C5AR1: variants seen among roughly 807,000 people sequenced by gnomAD.
The protein encoded by C5AR1 is C5a anaphylatoxin chemotactic receptor 1.
A neutral mutation model predicts 2.4 loss-of-function variants in C5AR1; 4 were observed. That is an observed-to-expected ratio of 1.65 (90% CI 0.81 to 3.77). C5AR1 has a LOEUF of 3.77. Among genes scored for constraint, C5AR1 ranks in the 30% most tolerant of loss-of-function variants. The probability of loss-of-function intolerance (pLI) is 0.01; values close to 1 mark genes in which losing one functional copy is unlikely to be tolerated. For synonymous variants in C5AR1, 209 were observed against 210.4 expected (o/e 0.99, Z 0.06); for missense variants, 418 against 462.5 (o/e 0.90, Z 0.88).
At chr19:47,312,588 T>C (rs1004860549) in intron 1 of C5AR1, among the ~76,000 whole-genome samples, 1 of 152,222 alleles carries the variant, frequency 6.6e-6, no homozygotes, top group Non-Finnish European at 1.5e-5. Context: ...CTGGCTTTTT[T>C]AAATGAATAA....
chr19:47,321,061 C>G lies in C5AR1; in HGVS notation c.*231C>G, dbSNP rs199799158. On this transcript the variant is annotated 3_prime_UTR_variant, in exon 2 of 2. Transcript: ENST00000355085. The stretch of plus-strand genomic sequence containing the variant: ...AGGGAGCACCCTCCCACCCCCCACC[C>G]CCCCCACACACACCATCTTTCCATC... 2 of 241,538 alleles carry G rather than the reference C, an allele frequency of 8.3e-6. 1 individual carries two copies. Among genetic ancestry groups the G allele is most frequent in the South Asian group, 1.0e-4 (2 of 19,798 alleles). The allele number at this position is 241,538 out of a possible 1,614,324, so 15.0% of individuals were successfully genotyped here.
At chr19:47,309,096 A>G (rs1198559808), upstream of C5AR1, among the ~76,000 whole-genome samples, 2 of 152,136 alleles carry the variant, frequency 1.3e-5, no homozygotes, top group African/African-American at 2.4e-5. Flanking sequence ...ATTTAACAGT[A>G]AAATATACTT....
intron 1 of C5AR1, among the ~76,000 whole-genome samples, chr19:47,313,670 G>A (rs2059277520): frequency 6.6e-6 from 1 of 151,856 alleles, no homozygotes; most frequent in Admixed American, 6.6e-5. Context: ...TGTGAATCCA[G>A]GAGGCGGAGC....
rs371403024 is a variant in C5AR1 at position 47,318,336 on chromosome 19, C to G, written c.4-1445C>G. 5.9e-5 allele frequency among the ~76,000 whole-genome samples: 9 copies of G among 151,690 alleles called. No homozygotes were observed. The East Asian group carries it at 1.7e-3, about 29-fold the overall frequency. On this transcript the variant is annotated intron_variant, in intron 1 of 1. Coordinates refer to ENST00000355085, the MANE Select transcript of C5AR1 (RefSeq NM_001736.4). ...TGAGGTGGAGTCTCACTCTGTCGCC[C>G]AGGCTGGAGTGCAGTGTCGCTATCT...
chr19:47,309,017 C>G (rs117753564), upstream of C5AR1, among the ~76,000 whole-genome samples: 288 of 152,168 alleles, frequency 1.9e-3, no homozygotes, highest in African/African-American at 6.6e-3. Flanking sequence ...TCAAGTGATT[C>G]ATTTGCCTCA....
chr19:47,318,333 G>A (rs983016806), intron 1 of C5AR1, among the ~76,000 whole-genome samples: 3 of 148,564 alleles, frequency 2.0e-5, no homozygotes, highest in African/African-American at 7.5e-5. Context: ...TCACTCTGTC[G>A]CCCAGGCTGG....
In C5AR1 at chr19:47,320,452, C is replaced by G. The variant is rs1198340374; in HGVS notation, c.675C>G (p.Ile225Met). Residue 225 changes from isoleucine (I) to methionine (M), a missense_variant, in exon 2 of 2, where the codon ATC becomes ATG. Physicochemically the swap from Ile to Met is conservative, Grantham distance 10. Coordinates refer to ENST00000355085, the MANE Select transcript of C5AR1 (RefSeq NM_001736.4). This position sits in a 1 kb window ranked among gnomAD's most constrained non-coding sequence, Gnocchi z 4.9. ...LLTLTICYTFILLRTWSRRAT... is the reference protein window; with the variant it reads ...LLTLTICYTFMLLRTWSRRAT... Reference sequence around the variant, plus strand: ...CGCTCACGATTTGTTACACTTTCATCCTGCTCCGGACGTGGAGCCGCAGGG... The same window carrying G: ...CGCTCACGATTTGTTACACTTTCATGCTGCTCCGGACGTGGAGCCGCAGGG... 2 of 1,612,394 alleles carry G rather than the reference C, an allele frequency of 1.2e-6. No homozygotes were observed. The highest frequency in any genetic ancestry group is 1.7e-6 in the Non-Finnish European group (2 of 1,180,000).
chr19:47,312,067 C>T (rs1263734853), intron 1 of C5AR1, among the ~76,000 whole-genome samples: 1 of 152,144 alleles, frequency 6.6e-6, no homozygotes, highest in Admixed American at 6.6e-5. Flanking sequence ...GAGATCTGTC[C>T]TCTCCGTGCT....
In C5AR1 at chr19:47,320,320, C is replaced by A. The variant is rs1480229296; in HGVS notation, c.543C>A (p.Tyr181Ter). 1 of 1,610,424 alleles carries A rather than the reference C, an allele frequency of 6.2e-7. No individual in the cohort carries two copies. Among genetic ancestry groups the A allele is most frequent in the Non-Finnish European group, 8.5e-7 (1 of 1,180,022 alleles). ...SFLYRVVREE[Y>*]FPPKVLCGVD... is the part of the protein sequence containing the mutation. ...TGTACCGGGTGGTCCGGGAGGAGTA[C>A]TTTCCACCAAAGGTGTTGTGTGGCG... Residue 181 changes from tyrosine to a stop codon, truncating the protein, a stop_gained, in exon 2 of 2, where the codon TAC (tyrosine) becomes TAA (stop). Coordinates refer to ENST00000355085, the MANE Select transcript of C5AR1 (RefSeq NM_001736.4). LOFTEE classifies it low-confidence loss of function (END_TRUNC). The surrounding 1 kb of genome is among the most constrained non-coding windows in gnomAD (Gnocchi z 4.9).
At position 47,319,785 on chromosome 19, in the gene C5AR1, C is replaced by T. The variant is rs941662052; in HGVS notation, c.8C>T (p.Ser3Phe). The T allele has an allele frequency of 1.9e-6, 3 of 1,601,792 alleles. No homozygotes were observed. In the African/African-American group the frequency reaches 4.0e-5, roughly 21 times the overall value. The stretch of plus-strand genomic sequence containing the variant: ...GCTCTCTCCGATTCCCCTTAGGACT[C>T]CTTCAATTATACCACCCCTGATTAT... MD[S>F]FNYTTPDYGH... The change falls in exon 2 of 2, where the codon TCC becomes TTC. Residue 3 changes from serine to phenylalanine, a missense_variant. Physicochemically the swap from Ser to Phe is radical, Grantham distance 155 (BLOSUM62 -2). Coordinates refer to ENST00000355085, the MANE Select transcript of C5AR1 (RefSeq NM_001736.4).
chr19:47,319,995 T>G lies in C5AR1; in HGVS notation c.218T>G (p.Ile73Ser). Reference sequence around the variant, plus strand: ...GAGGCCAAGCGGACCATCAATGCCATCTGGTTCCTCAACTTGGCGGTAGCC... The same window carrying G: ...GAGGCCAAGCGGACCATCAATGCCAGCTGGTTCCTCAACTTGGCGGTAGCC... ...AFEAKRTINA[I>S]WFLNLAVADF... The change falls in exon 2 of 2, where the codon ATC becomes AGC. Residue 73 changes from isoleucine (I) to serine (S), a missense_variant. By Grantham distance (142) the Ile-to-Ser change is moderately radical (BLOSUM62 -2). Transcript: ENST00000355085. 6.2e-7 allele frequency: 1 copy of G among 1,614,226 alleles called. No homozygotes were observed.
At position 47,320,693 on chromosome 19, in the gene C5AR1, G is replaced by T. The variant is rs2059307231; in HGVS notation, c.916G>T (p.Gly306Cys). The T allele has an allele frequency of 6.2e-7, 1 of 1,614,122 alleles. No individual in the cohort carries two copies. Reference protein sequence around the residue: ...NPIIYVVAGQGFQGRLRKSLP... With the variant: ...NPIIYVVAGQCFQGRLRKSLP... ...CATCATCTACGTGGTGGCCGGCCAG[G>T]GCTTCCAGGGCCGACTGCGGAAATC... The change falls in exon 2 of 2, where the codon GGC (glycine) becomes TGC (cysteine). Residue 306 changes from glycine (G) to cysteine (C), a missense_variant. Gly to Cys is a radical substitution (Grantham distance 159, BLOSUM62 -3). Transcript: ENST00000355085. This position sits in a 1 kb window ranked among gnomAD's most constrained non-coding sequence, Gnocchi z 4.9.
chr19:47,312,482 G>C (rs1490458529), intron 1 of C5AR1, among the ~76,000 whole-genome samples: 1 of 152,208 alleles, frequency 6.6e-6, no homozygotes, highest in Non-Finnish European at 1.5e-5. Context: ...AGTTCTTGTA[G>C]CAGTGCCTGG....
chr19:47,311,628 G>A (rs536052750), intron 1 of C5AR1, among the ~76,000 whole-genome samples: 14 of 152,138 alleles, frequency 9.2e-5, no homozygotes, highest in Non-Finnish European at 1.8e-4. Context: ...GCAATGGCAC[G>A]ATCTTGGCTC....
Position 47,310,035 on chromosome 19 carries a change from T to C in C5AR1, c.3+137T>C, listed in dbSNP as rs542479411. ...TCCCTTTCCTTCTCTCTCCCTGTCTTCCACCTCCCACCTTCCCTCTCTCCT... is the reference window on the plus strand; with the variant it reads ...TCCCTTTCCTTCTCTCTCCCTGTCTCCCACCTCCCACCTTCCCTCTCTCCT... On this transcript the variant is annotated intron_variant, in intron 1 of 1. Transcript: ENST00000355085. The C allele has an allele frequency of 2.4e-5, 20 of 835,784 alleles. No individual in the cohort carries two copies. The East Asian group carries it at 5.3e-4, about 22-fold the overall frequency. 51.8% of individuals were successfully genotyped at this position (835,784 alleles called of 1,614,324 possible).
chr19:47,311,339 G>A (rs551504665), intron 1 of C5AR1, among the ~76,000 whole-genome samples: 7 of 151,894 alleles, frequency 4.6e-5, no homozygotes, highest in African/African-American at 1.7e-4. Context: ...GTGAAACTCC[G>A]TCTCTACCAA....
At chr19:47,308,852 G>T (rs2059261645), upstream of C5AR1, among the ~76,000 whole-genome samples, 1 of 151,330 alleles carries the variant, frequency 6.6e-6, no homozygotes, top group Admixed American at 6.6e-5. Flanking sequence ...TTGGCTCACT[G>T]CAACCTCTGC....
chr19:47,311,981 A>G (rs2059272454), intron 1 of C5AR1, among the ~76,000 whole-genome samples: 1 of 152,238 alleles, frequency 6.6e-6, no homozygotes. Context: ...TGCTTAGGGA[A>G]CAAAGTAAGG....
At position 47,320,552 on chromosome 19, in the gene C5AR1, C is replaced by T; in HGVS notation, c.775C>T (p.Gln259Ter). ...ASFFIFWLPY[Q>*]VTGIMMSFLE... is the part of the protein sequence containing the mutation. ...TTTCTTTATCTTCTGGTTGCCCTAC[C>T]AGGTGACGGGGATAATGATGTCCTT... is the stretch of plus-strand genomic sequence containing the variant. The change falls in exon 2 of 2, where the codon CAG becomes TAG. Residue 259 changes from glutamine to a stop codon, truncating the protein, a stop_gained. Transcript: ENST00000355085. LOFTEE classifies it low-confidence loss of function (END_TRUNC). This position sits in a 1 kb window ranked among gnomAD's most constrained non-coding sequence, Gnocchi z 4.9. 1 of 1,613,964 alleles carries T rather than the reference C, an allele frequency of 6.2e-7. No individual in the cohort carries two copies. Among genetic ancestry groups the T allele is most frequent in the East Asian group, 2.2e-5 (1 of 44,860 alleles).
Sources: gnomAD v4.1 joint callset for allele counts (sites outside exome capture counted in the v4.1 genomes callset) on GRCh38, gnomAD v4.1.1 for gene constraint, Gnocchi (gnomAD v3.1) non-coding constraint, MANE v1.5 for transcripts, NCBI Gene and HGNC (gene_info 2026-07-23, HGNC 2026-07-21) for gene names.